The following PSIP1 variants were observed in gnomAD, a reference collection of about 807,000 sequenced individuals.
PSIP1 encodes PC4 and SRSF1 interacting protein 1, also known as PC4 and SFRS1-interacting protein.
PSIP1 carries 19 observed loss-of-function variants against 74.7 expected under a neutral mutation model. That is an observed-to-expected ratio of 0.25 (90% CI 0.18 to 0.37). PSIP1 has a LOEUF of 0.37. Among genes scored for constraint, PSIP1 ranks in the 10% least tolerant of loss-of-function variants. The pLI is 1.00. For synonymous variants in PSIP1, 222 were observed against 195.3 expected (o/e 1.14, Z -1.14); for missense variants, 601 against 614.3 (o/e 0.98, Z 0.23).
intron 10 of PSIP1, chr9:15,470,560 G>A: frequency 1.1e-6 from 1 of 915,258 alleles, no homozygotes; most frequent in Non-Finnish European, 1.3e-6. Context: ...TTAATTTCTA[G>A]TACCTTGGCT....
chr9:15,495,866 C>A (rs564918700), intron 3 of PSIP1, among the ~76,000 whole-genome samples: 1 of 152,332 alleles, frequency 6.6e-6, no homozygotes, highest in African/African-American at 2.4e-5. Context: ...GTCTCTCCAA[C>A]TGCAAACCAT....
chr9:15,506,554 G>A lies in PSIP1; in HGVS notation c.149+7C>T, dbSNP rs554464091. 6.3e-7 allele frequency: 1 copy of A among 1,592,470 alleles called. No homozygotes were observed. Among genetic ancestry groups the A allele is most frequent in the South Asian group, 1.1e-5 (1 of 90,510 alleles). ...TCTGATTTGCCTTTAAAGCTAACAG[G>A]ACTTACGTCTCATGAGTTCCAAAAA... On this transcript the variant is annotated splice_region_variant and intron_variant, in intron 3 of 15. Transcript: ENST00000380733.
intron 10 of PSIP1, chr9:15,471,415 C>A: frequency 6.8e-7 from 1 of 1,479,810 alleles, no homozygotes; most frequent in Non-Finnish European, 9.0e-7. Flanking sequence ...AACTGAAATA[C>A]ATAAAGATAA....
At chr9:15,469,358 A>C in intron 11 of PSIP1, 22 bp from the exon 12 acceptor site, 1 of 1,480,664 alleles carries the variant, frequency 6.8e-7, no homozygotes, top group Non-Finnish European at 9.3e-7. Context: ...AATATGTGAA[A>C]AACAGTGAAC....
At chr9:15,473,106 G>A (rs1016779736) in intron 9 of PSIP1, among the ~76,000 whole-genome samples, 2 of 152,074 alleles carry the variant, frequency 1.3e-5, no homozygotes, top group African/African-American at 2.4e-5. Flanking sequence ...TAAGAAATGA[G>A]CCAAAAATCA....
rs182652592 is a variant in PSIP1, at chr9:15,469,877, T to C, written c.1033+61A>G. On this transcript the variant is annotated intron_variant, in intron 11 of 15. Coordinates refer to ENST00000380733, the MANE Select transcript of PSIP1 (RefSeq NM_033222.5). ...TCCAAAACCAATACATGAAAAGTTATGTCTATATAACTTCTTTTCCATGTA... is the reference window on the plus strand; with the variant it reads ...TCCAAAACCAATACATGAAAAGTTACGTCTATATAACTTCTTTTCCATGTA... The C allele has an allele frequency of 3.4e-4, 475 of 1,393,522 alleles. 1 individual carries two copies. In the African/African-American group the frequency reaches 5.3e-3, roughly 16 times the overall value. The allele number at this position is 1,393,522 out of a possible 1,614,324, so 86.3% of individuals were successfully genotyped here.
chr9:15,475,766 G>A (rs979996163), intron 8 of PSIP1, among the ~76,000 whole-genome samples: 5 of 152,142 alleles, frequency 3.3e-5, no homozygotes, highest in African/African-American at 4.8e-5. Context: ...ATCACTGCTT[G>A]CTACCAATGA....
At chr9:15,490,147 G>A in intron 3 of PSIP1, 23 bp from the exon 4 acceptor site, 4 of 1,558,484 alleles carry the variant, frequency 2.6e-6, no homozygotes, top group Admixed American at 2.1e-5. Flanking sequence ...TGGGGAAGAT[G>A]TGAGTGCAAA....
At chr9:15,483,780 T>A (rs2036438820) in intron 6 of PSIP1, among the ~76,000 whole-genome samples, 1 of 152,002 alleles carries the variant, frequency 6.6e-6, no homozygotes, top group Admixed American at 6.6e-5. Flanking sequence ...GATCACAAGG[T>A]GAGGAGTTCA....
At chr9:15,504,094 T>C (rs2037471323) in intron 3 of PSIP1, among the ~76,000 whole-genome samples, 1 of 152,160 alleles carries the variant, frequency 6.6e-6, no homozygotes, top group African/African-American at 2.4e-5. Context: ...CCAACATACA[T>C]ATGGGGCAGC....
At position 15,497,325 on chromosome 9, in the gene PSIP1, C is replaced by CTTTTTTTTTTTTTTTTTTTT. The variant is rs767922897; in HGVS notation, c.150-7202_150-7201insAAAAAAAAAAAAAAAAAAAA. Among the ~76,000 whole-genome samples, 170 of 118,532 alleles carry CTTTTTTTTTTTTTTTTTTTT rather than the reference C, an allele frequency of 1.4e-3. 22 individuals carry two copies. Among genetic ancestry groups the CTTTTTTTTTTTTTTTTTTTT allele is most frequent in the African/African-American group, 5.9e-3 (147 of 24,848 alleles). The allele number at this position is 118,532 out of a possible 152,430, so 77.8% of individuals were successfully genotyped here. The stretch of plus-strand genomic sequence containing the variant: ...CTGAAGACCACACGTTCTATGATTC[C>CTTTTTTTTTTTTTTTTTTTT]TTTTTTTTTTTTTTTTGAGACAGAG... On this transcript the variant is annotated intron_variant, in intron 3 of 15. Coordinates refer to ENST00000380733, the MANE Select transcript of PSIP1 (RefSeq NM_033222.5).
chr9:15,466,603 T>C (rs2035643301), intron 15 of PSIP1, 145 bp downstream of exon 15: 1 of 611,136 alleles, frequency 1.6e-6, no homozygotes, highest in Non-Finnish European at 2.7e-6. Context: ...TTCTTCCTTT[T>C]TGAATTGTAA....
At chr9:15,508,214 A>G (rs573453449) in intron 2 of PSIP1, among the ~76,000 whole-genome samples, 1 of 152,398 alleles carries the variant, frequency 6.6e-6, no homozygotes, top group Admixed American at 6.5e-5. Context: ...AATTGCAACA[A>G]GAGGTGTCAC....
At chr9:15,493,285 G>C (rs1373640295) in intron 3 of PSIP1, among the ~76,000 whole-genome samples, 1 of 152,190 alleles carries the variant, frequency 6.6e-6, no homozygotes, top group African/African-American at 2.4e-5. Context: ...AGCAGAGCAA[G>C]AGTGATCTTT....
chr9:15,476,403 G>A (rs1230570631), intron 8 of PSIP1, among the ~76,000 whole-genome samples: 1 of 152,168 alleles, frequency 6.6e-6, no homozygotes, highest in Non-Finnish European at 1.5e-5. Flanking sequence ...TCAACTTGTG[G>A]CTTTGGGTGA....
intron 3 of PSIP1, among the ~76,000 whole-genome samples, chr9:15,490,380 T>C (rs1489377426): frequency 6.6e-6 from 1 of 152,152 alleles, no homozygotes; most frequent in Non-Finnish European, 1.5e-5. Flanking sequence ...TGCTGAACTA[T>C]ACACTTAAAA....
chr9:15,467,173 G>A (rs1278761984), intron 14 of PSIP1, among the ~76,000 whole-genome samples: 1 of 152,106 alleles, frequency 6.6e-6, no homozygotes, highest in Non-Finnish European at 1.5e-5. Flanking sequence ...ACTATTACCA[G>A]GAATACTACA....
At chr9:15,507,054 T>C (rs1271411539) in intron 2 of PSIP1, among the ~76,000 whole-genome samples, 4 of 152,194 alleles carry the variant, frequency 2.6e-5, no homozygotes, top group African/African-American at 9.6e-5. Context: ...CAACCCTAAA[T>C]GTTAGTTCTG....
At chr9:15,470,386 AGTT>A (rs2035772546) in intron 10 of PSIP1, among the ~76,000 whole-genome samples, 2 of 152,150 alleles carry the variant, frequency 1.3e-5, no homozygotes, top group African/African-American at 4.8e-5. Flanking sequence ...CAGATTAATG[AGTT>A]CTGAAGTTAG....
Sources: allele counts gnomAD v4.1 joint callset (sites outside exome capture counted in the v4.1 genomes callset), GRCh38; gene constraint gnomAD v4.1.1; transcripts MANE v1.5; gene names NCBI Gene and HGNC (gene_info 2026-07-23, HGNC 2026-07-21).